PYROXD2: variants seen among roughly 807,000 people sequenced by gnomAD.
The protein encoded by PYROXD2 is pyridine nucleotide-disulfide oxidoreductase domain-containing protein 2.
PYROXD2 carries 69 observed loss-of-function variants against 71.1 expected under a neutral mutation model. That is an observed-to-expected ratio of 0.97 (90% confidence interval 0.80 to 1.19). The LOEUF (loss-of-function observed/expected upper bound fraction) is 1.19. Among genes scored for constraint, PYROXD2 ranks in the 50% most tolerant of loss-of-function variants. The pLI is 0.00. For synonymous variants in PYROXD2, 287 were observed against 302.7 expected (o/e 0.95, Z 0.54); for missense variants, 745 against 748.9 (o/e 0.99, Z 0.06).
intron 2 of PYROXD2, among the ~76,000 whole-genome samples, chr10:98,408,284 G>C (rs1368906708): frequency 6.6e-6 from 1 of 152,190 alleles, no homozygotes; most frequent in Non-Finnish European, 1.5e-5. Context: ...TGGTGCCTCG[G>C]GGACTCACGC....
At chr10:98,410,583 GC>G in intron 2 of PYROXD2, 1 of 272,358 alleles carries the variant, frequency 3.7e-6, no homozygotes. Flanking sequence ...CCCCCACCCC[GC>G]CCCAGGTGCC....
At chr10:98,413,017 G>T (rs1459294554) in intron 1 of PYROXD2, among the ~76,000 whole-genome samples, 1 of 152,126 alleles carries the variant, frequency 6.6e-6, no homozygotes, top group African/African-American at 2.4e-5. Context: ...TAAAAACAAA[G>T]GTAATAAATA....
rs1299894564 is a variant in PYROXD2 at position 98,400,026 on chromosome 10, T to C, written c.471+76A>G. 34 of 1,554,926 alleles carry C rather than the reference T, an allele frequency of 2.2e-5. No individual in the cohort carries two copies. The Admixed American group carries it at 6.0e-4, about 28-fold the overall frequency. On this transcript the variant is annotated intron_variant, in intron 5 of 15. Transcript: ENST00000370575. ...AGTGTCCATGGCCTTTGAACAATTG[T>C]TCTAGGACAATCCAACCAGGCCCAT...
rs1842914715 is a variant in PYROXD2 at position 98,390,615 on chromosome 10, A to G, written c.1275T>C (p.Asp425=). 1.3e-6 allele frequency: 2 copies of G among 1,598,942 alleles called. No homozygotes were observed. The highest frequency in any genetic ancestry group is 1.7e-6 in the Non-Finnish European group (2 of 1,172,274). Residue 425 remains aspartate, a synonymous_variant, in exon 12 of 16, where the codon GAT becomes GAC. Coordinates refer to ENST00000370575, the MANE Select transcript of PYROXD2 (RefSeq NM_032709.3). ...LLHQAFEDAM[D]GLPSHRPVIE... ...GCCCCTACCTGTGGGAAGGCAGGCC[A>G]TCCATGGCATCTTCAAAGGCCTGAT... is the stretch of plus-strand genomic sequence containing the variant.
At chr10:98,405,714 T>A (rs74154413) in intron 4 of PYROXD2, among the ~76,000 whole-genome samples, 7,580 of 152,256 alleles carry the variant, frequency 0.05, 594 homozygotes, top group African/African-American at 0.17. Context: ...AGGGGCACTC[T>A]ATCACCACGT....
intron 1 of PYROXD2, chr10:98,414,783 C>T: frequency 1.1e-5 from 6 of 545,804 alleles, no homozygotes; most frequent in Middle Eastern, 4.8e-4. Context: ...AGAAGGCAAG[C>T]ATTTGCCCCA....
At chr10:98,396,248 T>C (rs1030113260) in intron 6 of PYROXD2, among the ~76,000 whole-genome samples, 1 of 152,144 alleles carries the variant, frequency 6.6e-6, no homozygotes, top group Non-Finnish European at 1.5e-5. Context: ...AACCCAGAAC[T>C]GAAACAGGCC....
At chr10:98,386,112 CAA>C (rs35276474) in intron 14 of PYROXD2, among the ~76,000 whole-genome samples, 39 of 133,996 alleles carry the variant, frequency 2.9e-4, no homozygotes, top group East Asian at 4.4e-4. Context: ...CTCATCTCTA[CAA>C]AAAAAAAAAA....
intron 15 of PYROXD2, 74 bp downstream of exon 15, chr10:98,384,873 C>T: frequency 6.7e-7 from 1 of 1,493,422 alleles, no homozygotes; most frequent in Non-Finnish European, 8.9e-7. Flanking sequence ...GCTTAACTTC[C>T]TCCTTCTCCA....
At chr10:98,392,284 A>T in intron 10 of PYROXD2, 148 bp downstream of exon 10, 1 of 1,317,080 alleles carries the variant, frequency 7.6e-7, no homozygotes, top group Non-Finnish European at 1.0e-6. Context: ...CCCGTTTGCT[A>T]CCTGCCCTTA....
intron 4 of PYROXD2, 99 bp downstream of exon 4, chr10:98,407,483 G>T: frequency 6.9e-7 from 1 of 1,448,440 alleles, no homozygotes; most frequent in Non-Finnish European, 9.4e-7. Context: ...CCTCAGGGGC[G>T]GGCATCACCT....
At chr10:98,400,074 G>C in intron 5 of PYROXD2, 28 bp downstream of exon 5, 1 of 1,607,648 alleles carries the variant, frequency 6.2e-7, no homozygotes, top group Non-Finnish European at 8.5e-7. Context: ...GAGGGAGCAG[G>C]AGCTCAGTCA....
chr10:98,384,376 G>A (rs771910267), intron 15 of PYROXD2, among the ~76,000 whole-genome samples: 62 of 152,312 alleles, frequency 4.1e-4, no homozygotes, highest in Non-Finnish European at 6.2e-4. Context: ...CCAGCACTTT[G>A]GGAAGCTGAG....
At chr10:98,400,330 T>A in intron 4 of PYROXD2, 73 bp from the exon 5 acceptor site, 2 of 1,451,422 alleles carry the variant, frequency 1.4e-6, no homozygotes, top group Admixed American at 4.0e-5. Context: ...TCTCCGATTG[T>A]GTTTGTGTGA....
intron 8 of PYROXD2, among the ~76,000 whole-genome samples, chr10:98,393,730 C>T (rs1454226061): frequency 2.6e-5 from 4 of 152,100 alleles, no homozygotes; most frequent in African/African-American, 9.7e-5. Flanking sequence ...ATCTTAAAGC[C>T]CAGCTCTGCT....
At chr10:98,410,268 A>G (rs1371217573) in intron 2 of PYROXD2, among the ~76,000 whole-genome samples, 4 of 152,204 alleles carry the variant, frequency 2.6e-5, no homozygotes, top group East Asian at 1.9e-4. Context: ...TGCTGCTTCA[A>G]GAAGATGTTC....
intron 4 of PYROXD2, 125 bp from the exon 5 acceptor site, chr10:98,400,382 T>C (rs1843353257): frequency 2.3e-6 from 2 of 873,482 alleles, no homozygotes; most frequent in African/African-American, 3.4e-5. Context: ...TGTATGGTCC[T>C]GGTGTCTGTT....
chr10:98,404,438 G>A (rs1843524792), intron 4 of PYROXD2, among the ~76,000 whole-genome samples: 1 of 152,212 alleles, frequency 6.6e-6, no homozygotes, highest in East Asian at 1.9e-4. Flanking sequence ...ATTTAGTGAA[G>A]GTTTTTCTTT....
rs774159558 is a variant in PYROXD2 at position 98,395,187 on chromosome 10, C to T, written c.785+9G>A. 1.2e-5 allele frequency: 20 copies of T among 1,612,072 alleles called. No individual in the cohort carries two copies. The highest frequency in any genetic ancestry group is 2.2e-5 in the East Asian group (1 of 44,880). ...CACTCCTGTGTCCCACCTCACCCCC[C>T]TCACTCACCCACTCCCCGGAGTGTG... is the stretch of plus-strand genomic sequence containing the variant. On this transcript the variant is annotated intron_variant, in intron 8 of 15. Coordinates refer to ENST00000370575, the MANE Select transcript of PYROXD2 (RefSeq NM_032709.3).
Sources: allele counts gnomAD v4.1 joint callset (sites outside exome capture counted in the v4.1 genomes callset), GRCh38; gene constraint gnomAD v4.1.1; transcripts MANE v1.5; gene names NCBI Gene and HGNC (gene_info 2026-07-23, HGNC 2026-07-21).